Variants in MCC observed in about 807,000 individuals in gnomAD.
MCC encodes the protein colorectal mutant cancer protein.
MCC carries 90 observed loss-of-function variants against 116.2 expected under a neutral mutation model. The ratio of observed to expected loss-of-function variants is 0.77; its 90% CI spans 0.65 to 0.92. The LOEUF (loss-of-function observed/expected upper bound fraction) is 0.92, where lower values mean the gene tolerates loss of function less well. Among genes scored for constraint, MCC ranks in the 40% least tolerant of loss-of-function variants. The pLI is 0.00. For synonymous variants in MCC, 578 were observed against 510.5 expected (o/e 1.13, Z -1.78); for missense variants, 1,516 against 1,312.2 (o/e 1.16, Z -2.40).
intron 1 of MCC, among the ~76,000 whole-genome samples, chr5:113,446,296 A>G (rs1376779293): frequency 1.3e-5 from 2 of 152,234 alleles, no homozygotes; most frequent in Non-Finnish European, 2.9e-5. Context: ...GAAACTCTCA[A>G]CAGAGTAAAG....
chr5:113,431,527 G>C (rs942056777), intron 1 of MCC, among the ~76,000 whole-genome samples: 2 of 152,084 alleles, frequency 1.3e-5, no homozygotes, highest in African/African-American at 4.8e-5. Flanking sequence ...GGTACAAGGG[G>C]CTAGGACATC....
chr5:113,074,992 G>A (rs1046921262), intron 11 of MCC, among the ~76,000 whole-genome samples: 4 of 152,360 alleles, frequency 2.6e-5, no homozygotes, highest in East Asian at 1.9e-4. Context: ...ACTGCACTGT[G>A]GGGGCCCCTC....
At chr5:113,285,496 C>A (rs1561506522) in intron 3 of MCC, among the ~76,000 whole-genome samples, 1 of 152,116 alleles carries the variant, frequency 6.6e-6, no homozygotes, top group Non-Finnish European at 1.5e-5. Flanking sequence ...ACCTCATCTC[C>A]TTCCACTCTC....
chr5:113,327,557 A>ATATATATATATAT (rs1243077934), intron 3 of MCC, among the ~76,000 whole-genome samples: 11 of 82,048 alleles, frequency 1.3e-4, no homozygotes, highest in South Asian at 3.2e-4. Flanking sequence ...AAAAAAAAAA[A>ATATATATATATAT]AAAAATATAT....
chr5:113,298,248 G>T (rs535782413), intron 3 of MCC, among the ~76,000 whole-genome samples: 2 of 152,330 alleles, frequency 1.3e-5, no homozygotes, highest in African/African-American at 4.8e-5. Flanking sequence ...AGGGAAATGG[G>T]AAGATAACCA....
chr5:113,141,903 A>G (rs894482537), intron 5 of MCC, among the ~76,000 whole-genome samples: 5 of 152,214 alleles, frequency 3.3e-5, no homozygotes, highest in Non-Finnish European at 5.9e-5. Context: ...TTAAAAGTGC[A>G]TAAAAATCAC....
At chr5:113,134,735 GA>G (rs1758702523) in intron 5 of MCC, among the ~76,000 whole-genome samples, 1 of 151,238 alleles carries the variant, frequency 6.6e-6, no homozygotes, top group African/African-American at 2.4e-5. Flanking sequence ...TTTTGTGTGT[GA>G]AAAATCAGAC....
chr5:113,163,938 T>C (rs1760637479), intron 3 of MCC, among the ~76,000 whole-genome samples: 1 of 152,196 alleles, frequency 6.6e-6, no homozygotes, highest in South Asian at 2.1e-4. Context: ...TGTAGTGTGA[T>C]TACAGATGAT....
chr5:113,104,072 G>A (rs1756588260), intron 7 of MCC, 120 bp downstream of exon 7: 5 of 1,043,106 alleles, frequency 4.8e-6, no homozygotes, highest in African/African-American at 3.2e-5. Flanking sequence ...TCTATTGTAT[G>A]GCTCTCATGG....
At chr5:113,446,733 A>G (rs26988) in intron 1 of MCC, among the ~76,000 whole-genome samples, 58,097 of 152,076 alleles carry the variant, frequency 0.38, 13,892 homozygotes, top group East Asian at 0.69. Flanking sequence ...GTTCTCACCT[A>G]TAAGTGGAGC....
intron 1 of MCC, among the ~76,000 whole-genome samples, chr5:113,470,984 C>T (rs923830679): frequency 3.3e-5 from 5 of 152,210 alleles, no homozygotes; most frequent in Non-Finnish European, 5.9e-5. Context: ...GCTACTAAGG[C>T]TTCTGCCTTC....
At chr5:113,343,386 G>A (rs1021873540) in intron 2 of MCC, among the ~76,000 whole-genome samples, 1 of 152,180 alleles carries the variant, frequency 6.6e-6, no homozygotes, top group Admixed American at 6.5e-5. Flanking sequence ...GTATTGCAAG[G>A]CAGGTTCTTC....
At position 113,064,043 on chromosome 5, in the gene MCC, AAAG is replaced by A; in HGVS notation, c.2151_2153del (p.Phe718del). 6.2e-7 allele frequency: 1 copy of A among 1,614,184 alleles called. No individual in the cohort carries two copies. The highest frequency in any genetic ancestry group is 8.5e-7 in the Non-Finnish European group (1 of 1,180,028). On this transcript the variant is annotated inframe_deletion, in exon 14 of 19. Coordinates refer to ENST00000408903, the MANE Select transcript of MCC (RefSeq NM_001085377.2). ...GCTGCACGCTGCAGCCGGCCACGGC[AAAG>A]GCTCCCCCACAGCTGCCGTCCAGCT...
chr5:113,234,669 T>C (rs777335456), intron 3 of MCC: 6 of 152,194 alleles, frequency 3.9e-5, no homozygotes, highest in Non-Finnish European at 8.8e-5. Context: ...AGATATTATA[T>C]ATAGAAAACA....
At chr5:113,056,972 GTTA>G (rs1159154473) in intron 14 of MCC, among the ~76,000 whole-genome samples, 2 of 152,170 alleles carry the variant, frequency 1.3e-5, no homozygotes, top group East Asian at 1.9e-4. Flanking sequence ...TGGGCATGAG[GTTA>G]TTATTTGTGA....
At position 113,314,807 on chromosome 5, in the gene MCC, C is replaced by T. The variant is rs112472140; in HGVS notation, c.627+25712G>A. 1.3e-3 allele frequency among the ~76,000 whole-genome samples: 204 copies of T among 152,152 alleles called. 3 individuals carry two copies. Among genetic ancestry groups the T allele is most frequent in the African/African-American group, 4.2e-3 (176 of 41,514 alleles). On this transcript the variant is annotated intron_variant, in intron 3 of 18. Transcript: ENST00000408903. ...TTCACCATGTTGGCCAGGCTGGTCTCGAACTCCTGACCTCAGTTGACCCAC... is the reference window on the plus strand; with the variant it reads ...TTCACCATGTTGGCCAGGCTGGTCTTGAACTCCTGACCTCAGTTGACCCAC...
chr5:113,058,498 G>A (rs542650780), intron 14 of MCC, among the ~76,000 whole-genome samples: 1 of 152,302 alleles, frequency 6.6e-6, no homozygotes, highest in East Asian at 1.9e-4. Context: ...ACGCTTAGGT[G>A]TGAGAAGCAC....
chr5:113,116,927 G>A (rs1347377035), intron 6 of MCC, among the ~76,000 whole-genome samples: 1 of 152,210 alleles, frequency 6.6e-6, no homozygotes, highest in Non-Finnish European at 1.5e-5. Context: ...CCTCTCCAGA[G>A]AAATTAAGTT....
intron 3 of MCC, among the ~76,000 whole-genome samples, chr5:113,154,142 G>A (rs1043330850): frequency 3.9e-5 from 6 of 152,184 alleles, no homozygotes; most frequent in African/African-American, 9.7e-5. Flanking sequence ...TTTGTTTAAT[G>A]AGCATTTTTT....
Sources: allele counts gnomAD v4.1 joint callset (sites outside exome capture counted in the v4.1 genomes callset), GRCh38; gene constraint gnomAD v4.1.1; transcripts MANE v1.5; gene names NCBI Gene and HGNC (gene_info 2026-07-23, HGNC 2026-07-21).